The following OR52A5 variants were observed in gnomAD, a reference collection of about 807,000 sequenced individuals.
The protein encoded by OR52A5 is olfactory receptor family 52 subfamily A member 5, also known as olfactory receptor 52A5.
Under a neutral mutation model 18.2 loss-of-function variants are expected in OR52A5, and 16 were observed. The observed-to-expected ratio is 0.88, with a 90% CI of 0.60 to 1.34. The LOEUF (loss-of-function observed/expected upper bound fraction) is 1.34, where lower values mean the gene tolerates loss of function less well. OR52A5 is among the 40% of genes most tolerant of loss of function. The pLI is 0.00. For missense variants in OR52A5, 418 were observed against 383.0 expected, an observed-to-expected ratio of 1.09 and a Z score of -0.76; for synonymous variants, 140 against 137.2, an observed-to-expected ratio of 1.02 and a Z score of -0.14.
At position 5,130,788 on chromosome 11, in the gene OR52A5, ACT is replaced by A. The variant is rs1270168879; in HGVS notation, c.*902_*903del. The A allele has an allele frequency of 2.6e-5, 4 of 151,896 alleles. No individual in the cohort carries two copies. The highest frequency in any genetic ancestry group is 5.9e-5 in the Non-Finnish European group (4 of 67,936). The allele number at this position is 151,896 out of a possible 1,614,324, so 9.4% of individuals were successfully genotyped here. A position where few individuals can be genotyped will look rare whatever the true frequency, so the allele number is the denominator to read the frequency against. On this transcript the variant is annotated 3_prime_UTR_variant, in exon 2 of 2. Coordinates refer to ENST00000307388, the MANE Select transcript of OR52A5 (RefSeq NM_001005160.3). ...CTTTTCAAAATTAGTGATTCAGATG[ACT>A]CTGTCAACTTGATTCTTAAGGAAAA...
rs1589859662 is a variant in OR52A5 at position 5,130,023 on chromosome 11, A to G, written c.*1669T>C. On this transcript the variant is annotated 3_prime_UTR_variant, in exon 2 of 2. Transcript: ENST00000307388. ...ATTTTTCATTTAATTTTTTTCCATT[A>G]GATAATGTGCATTTTTAAGATCTTT... 6.6e-6 allele frequency: 1 copy of G among 152,118 alleles called. No homozygotes were observed. Among genetic ancestry groups the G allele is most frequent in the Non-Finnish European group, 1.5e-5 (1 of 68,016 alleles). 9.4% of individuals were successfully genotyped at this position (152,118 alleles called of 1,614,324 possible).
intron 1 of OR52A5, among the ~76,000 whole-genome samples, chr11:5,133,942 T>C (rs1193135780): frequency 6.6e-6 from 1 of 152,190 alleles, no homozygotes; most frequent in Non-Finnish European, 1.5e-5. Context: ...AGATTTTCTT[T>C]GGCACGTTAT....
At chr11:5,132,936 G>T (rs1235685594) in intron 1 of OR52A5, among the ~76,000 whole-genome samples, 1 of 151,796 alleles carries the variant, frequency 6.6e-6, no homozygotes, top group Non-Finnish European at 1.5e-5. Context: ...CATGACTATT[G>T]GATCAACAAT....
chr11:5,136,160 G>C (rs1846391283), intron 1 of OR52A5, among the ~76,000 whole-genome samples: 1 of 152,170 alleles, frequency 6.6e-6, no homozygotes, highest in Admixed American at 6.5e-5. Context: ...ACAGCAAAAA[G>C]AGACGATGAA....
intron 1 of OR52A5, 175 bp downstream of exon 1, chr11:5,138,126 TAAATATTCTG>T (rs1373621563): frequency 3.3e-5 from 5 of 152,228 alleles, no homozygotes; most frequent in Admixed American, 6.5e-5. Context: ...CGACTGATCA[TAAATATTCTG>T]AAAAGCATGA....
In OR52A5 at chr11:5,130,620, A is replaced by T. The variant is rs547596912; in HGVS notation, c.*1072T>A. On this transcript the variant is annotated 3_prime_UTR_variant, in exon 2 of 2. Coordinates refer to ENST00000307388, the MANE Select transcript of OR52A5 (RefSeq NM_001005160.3). ...ATATAATGTTTACATAAACTTTATT[A>T]AAAAAATTATGACTCAAAGTCATTT... 19 of 152,184 alleles carry T rather than the reference A, an allele frequency of 1.2e-4. No homozygotes were observed. The highest frequency in any genetic ancestry group is 4.1e-4 in the South Asian group (2 of 4,820). 9.4% of individuals were successfully genotyped at this position (152,184 alleles called of 1,614,324 possible).
At chr11:5,133,589 TATCTTATA>T (rs1329833061) in intron 1 of OR52A5, among the ~76,000 whole-genome samples, 1 of 151,540 alleles carries the variant, frequency 6.6e-6, no homozygotes, top group Non-Finnish European at 1.5e-5. Flanking sequence ...CCCAATCATA[TATCTTATA>T]CATTGTCCTG....
At position 5,132,094 on chromosome 11, in the gene OR52A5, C is replaced by T. The variant is rs999938414; in HGVS notation, c.549G>A (p.Glu183=). The change falls in exon 2 of 2, where the codon GAG becomes GAA. Residue 183 remains glutamate (E), a synonymous_variant. Transcript: ENST00000307388. ...TAGCCAGCTTCACGATGGCCATGTG[C>T]TCACAGTAAGAGTGAGAGATGACTG... The part of the protein sequence containing the change: ...RTTVISHSYC[E]HMAIVKLATE... The T allele has an allele frequency of 3.7e-6, 6 of 1,614,056 alleles. No individual in the cohort carries two copies. The highest frequency in any genetic ancestry group is 2.7e-5 in the African/African-American group (2 of 74,916).
At position 5,131,990 on chromosome 11, in the gene OR52A5, G is replaced by T. The variant is rs780341169; in HGVS notation, c.653C>A (p.Thr218Asn). The T allele has an allele frequency of 2.7e-5, 43 of 1,614,192 alleles. No homozygotes were observed. The highest frequency in any genetic ancestry group is 3.5e-5 in the Non-Finnish European group (41 of 1,180,046). ...GATAAAAATTTGGACATAGGACAAG[G>T]TTATAAATATTATGTCAAACCCTAG... is the stretch of plus-strand genomic sequence containing the variant. ...AILGFDIIFI[T>N]LSYVQIFITV... Residue 218 changes from threonine (T) to asparagine (N), a missense_variant, in exon 2 of 2, where the codon ACC becomes AAC. Transcript: ENST00000307388.
intron 1 of OR52A5, among the ~76,000 whole-genome samples, chr11:5,135,168 C>G (rs1846380217): frequency 6.6e-6 from 1 of 152,172 alleles, no homozygotes; most frequent in African/African-American, 2.4e-5. Context: ...GCCACCAAGC[C>G]TGGTCAAGAT....
At position 5,132,349 on chromosome 11, in the gene OR52A5, G is replaced by A; in HGVS notation, c.294C>T (p.Ala98=). The change falls in exon 2 of 2, where the codon GCC becomes GCT. Residue 98 remains alanine, a synonymous_variant. Transcript: ENST00000307388. Reference sequence around the variant, plus strand: ...GAATAAGCCACATTTGAAAAAGACAGGCATCAAAAGAAATCTCTGGCAAAT... The same window carrying A: ...GAATAAGCCACATTTGAAAAAGACAAGCATCAAAAGAAATCTCTGGCAAAT... ...WFHLPEISFD[A]CLFQMWLIHS... The A allele has an allele frequency of 1.2e-6, 2 of 1,614,116 alleles. No individual in the cohort carries two copies. Among genetic ancestry groups the A allele is most frequent in the Non-Finnish European group, 1.7e-6 (2 of 1,180,016 alleles).
In OR52A5 at chr11:5,130,139, A is replaced by G. The variant is rs1287691898; in HGVS notation, c.*1553T>C. ...GTTTTTTTCTGATAGACCTATGTTG[A>G]AATTTTTATTTTCTGTTGATTTTTT... is the stretch of plus-strand genomic sequence containing the variant. On this transcript the variant is annotated 3_prime_UTR_variant, in exon 2 of 2. Coordinates refer to ENST00000307388, the MANE Select transcript of OR52A5 (RefSeq NM_001005160.3). 1 of 151,806 alleles carries G rather than the reference A, an allele frequency of 6.6e-6. No individual in the cohort carries two copies. The highest frequency in any genetic ancestry group is 1.5e-5 in the Non-Finnish European group (1 of 67,952). 9.4% of individuals were successfully genotyped at this position (151,806 alleles called of 1,614,324 possible). A position where few individuals can be genotyped will look rare whatever the true frequency, so the allele number is the denominator to read the frequency against.
Position 5,128,892 on chromosome 11 carries a change from T to G in OR52A5, c.*2800A>C, listed in dbSNP as rs1164019794. 6.6e-6 allele frequency: 1 copy of G among 152,070 alleles called. No individual in the cohort carries two copies. The highest frequency in any genetic ancestry group is 1.5e-5 in the Non-Finnish European group (1 of 67,990). 9.4% of individuals were successfully genotyped at this position (152,070 alleles called of 1,614,324 possible). A position where few individuals can be genotyped will look rare whatever the true frequency, so the allele number is the denominator to read the frequency against. ...TTAGGATGACGAAAGTATTTTCAAT[T>G]AGGTAGTGATGATGGTTGCACAGCC... On this transcript the variant is annotated 3_prime_UTR_variant, in exon 2 of 2. Coordinates refer to ENST00000307388, the MANE Select transcript of OR52A5 (RefSeq NM_001005160.3).
At chr11:5,132,768 G>T in intron 1 of OR52A5, 66 bp from the exon 2 acceptor site, 1 of 597,702 alleles carries the variant, frequency 1.7e-6, no homozygotes. Context: ...GTTATTTTAG[G>T]AGTGTATCAT....
Position 5,129,314 on chromosome 11 carries a change from G to A in OR52A5, c.*2378C>T, listed in dbSNP as rs1202884311. 1 of 152,060 alleles carries A rather than the reference G, an allele frequency of 6.6e-6. No individual in the cohort carries two copies. Among genetic ancestry groups the A allele is most frequent in the Admixed American group, 6.6e-5 (1 of 15,252 alleles). 9.4% of individuals were successfully genotyped at this position (152,060 alleles called of 1,614,324 possible). A position where few individuals can be genotyped will look rare whatever the true frequency, so the allele number is the denominator to read the frequency against. On this transcript the variant is annotated 3_prime_UTR_variant, in exon 2 of 2. Coordinates refer to ENST00000307388, the MANE Select transcript of OR52A5 (RefSeq NM_001005160.3). Reference sequence around the variant, plus strand: ...CTCACAAGTCTCTGAGGCTCGTATTGTTAGCCCCATTGTAGAGAAGAGGAA... The same window carrying A: ...CTCACAAGTCTCTGAGGCTCGTATTATTAGCCCCATTGTAGAGAAGAGGAA...
At position 5,129,708 on chromosome 11, in the gene OR52A5, G is replaced by C. The variant is rs981252855; in HGVS notation, c.*1984C>G. ...TTTATACCTTAAAAAAAGGTAATATGAACCCAGATCTTCAGCATGGAACAA... is the reference window on the plus strand; with the variant it reads ...TTTATACCTTAAAAAAAGGTAATATCAACCCAGATCTTCAGCATGGAACAA... On this transcript the variant is annotated 3_prime_UTR_variant, in exon 2 of 2. Coordinates refer to ENST00000307388, the MANE Select transcript of OR52A5 (RefSeq NM_001005160.3). The C allele has an allele frequency of 2.0e-5, 3 of 151,964 alleles. No individual in the cohort carries two copies. The highest frequency in any genetic ancestry group is 7.3e-5 in the African/African-American group (3 of 41,348). The allele number at this position is 151,964 out of a possible 1,614,324, so 9.4% of individuals were successfully genotyped here.
Position 5,132,809 on chromosome 11 carries a change from T to C in OR52A5, c.-60-107A>G, listed in dbSNP as rs539061845. 5.3e-5 allele frequency: 25 copies of C among 468,234 alleles called. No individual in the cohort carries two copies. The South Asian group carries it at 1.4e-3, about 27-fold the overall frequency. The allele number at this position is 468,234 out of a possible 1,614,324, so 29.0% of individuals were successfully genotyped here. A position where few individuals can be genotyped will look rare whatever the true frequency, so the allele number is the denominator to read the frequency against. ...ATTTTCTATTCTAACTAATCTTCTCTAATTTTCTGTCTCCTTTACCAAAGT... is the reference window on the plus strand; with the variant it reads ...ATTTTCTATTCTAACTAATCTTCTCCAATTTTCTGTCTCCTTTACCAAAGT... On this transcript the variant is annotated intron_variant, in intron 1 of 1. Coordinates refer to ENST00000307388, the MANE Select transcript of OR52A5 (RefSeq NM_001005160.3).
chr11:5,132,913 C>A (rs1395845454), intron 1 of OR52A5, among the ~76,000 whole-genome samples: 2 of 151,960 alleles, frequency 1.3e-5, no homozygotes, highest in Non-Finnish European at 1.5e-5. Flanking sequence ...GATTAGACGG[C>A]TTTTTTCTGG....
intron 1 of OR52A5, among the ~76,000 whole-genome samples, chr11:5,133,048 C>T (rs903135431): frequency 5.3e-5 from 8 of 151,978 alleles, no homozygotes; most frequent in African/African-American, 1.9e-4. Context: ...AATTTTAAAA[C>T]TAGACTTCAT....
Sources: gnomAD v4.1 joint callset for allele counts (sites outside exome capture counted in the v4.1 genomes callset) on GRCh38, gnomAD v4.1.1 for gene constraint, MANE v1.5 for transcripts, NCBI Gene and HGNC (gene_info 2026-07-23, HGNC 2026-07-21) for gene names.